The following GLYATL2 variants were observed in gnomAD, a reference collection of about 807,000 sequenced individuals.
GLYATL2 encodes the protein glycine-N-acyltransferase like 2, also known as glycine N-acyltransferase-like protein 2.
A neutral mutation model predicts 21.4 loss-of-function variants in GLYATL2; 25 were observed. The observed-to-expected ratio is 1.17, with a 90% CI of 0.85 to 1.63. GLYATL2 has a LOEUF of 1.63. Ranked by LOEUF, GLYATL2 falls within the 40% of genes most tolerant of loss-of-function variation. GLYATL2 has a pLI of 0.00. For synonymous variants in GLYATL2, 114 were observed against 118.2 expected, an observed-to-expected ratio of 0.96 and a Z score of 0.23; for missense variants, 361 against 343.3, an observed-to-expected ratio of 1.05 and a Z score of -0.41.
chr11:58,896,562 G>T (rs1854638500), intron 1 of GLYATL2, among the ~76,000 whole-genome samples: 1 of 152,130 alleles, frequency 6.6e-6, no homozygotes, highest in Admixed American at 6.5e-5. Flanking sequence ...GTGCCAAATG[G>T]CATCTTGTCA....
chr11:58,907,964 T>C (rs899626980), upstream of GLYATL2: 1 of 153,286 alleles, frequency 6.5e-6, no homozygotes, highest in African/African-American at 2.4e-5. Flanking sequence ...CTGTCCTGTA[T>C]GAGCCTCAGA....
At chr11:58,857,750 T>C (rs1281216591) in intron 1 of GLYATL2, among the ~76,000 whole-genome samples, 1 of 152,044 alleles carries the variant, frequency 6.6e-6, no homozygotes, top group Non-Finnish European at 1.5e-5. Context: ...TCTGTCTTTG[T>C]ATTTGCATCT....
intron 3 of GLYATL2, 150 bp downstream of exon 3, chr11:58,838,111 T>C: frequency 1.7e-6 from 1 of 573,428 alleles, no homozygotes; most frequent in Non-Finnish European, 3.2e-6. Flanking sequence ...CTCACTGCCC[T>C]ACCCTGTCTC....
In GLYATL2 at chr11:58,850,339, A is replaced by T. The variant is rs191058190; in HGVS notation, n.61-11971T>A. The stretch of plus-strand genomic sequence containing the variant: ...AATGCTTTTTTGTGGGCGGTAAGCC[A>T]CCTGAGGCAAGAGACCGAGGGCACG... On this transcript the variant is annotated intron_variant and non_coding_transcript_variant, in intron 1 of 4. Coordinates refer to the GLYATL2 transcript ENST00000533636. Among the ~76,000 whole-genome samples the T allele has an allele frequency of 5.3e-5, 8 of 152,172 alleles. No individual in the cohort carries two copies. In the East Asian group the frequency reaches 1.2e-3, roughly 22 times the overall value.
At chr11:58,898,781 C>T (rs549428000) in intron 1 of GLYATL2, among the ~76,000 whole-genome samples, 5 of 151,834 alleles carry the variant, frequency 3.3e-5, no homozygotes, top group African/African-American at 7.3e-5. Flanking sequence ...TGCAGTGAGC[C>T]GAGATCGCGC....
At chr11:58,890,922 C>T (rs1407636781) in intron 1 of GLYATL2, among the ~76,000 whole-genome samples, 3 of 151,754 alleles carry the variant, frequency 2.0e-5, no homozygotes, top group Non-Finnish European at 4.4e-5. Context: ...TGCACTATGT[C>T]TTGTTCTCCA....
At chr11:58,899,828 TAC>T (rs758763344) in intron 1 of GLYATL2, among the ~76,000 whole-genome samples, 1 of 152,086 alleles carries the variant, frequency 6.6e-6, no homozygotes, top group Non-Finnish European at 1.5e-5. Context: ...TATATATATA[TAC>T]ACACACATAC....
At chr11:58,864,497 C>T (rs1383587866) in intron 1 of GLYATL2, among the ~76,000 whole-genome samples, 2 of 149,134 alleles carry the variant, frequency 1.3e-5, no homozygotes, top group African/African-American at 4.8e-5. Context: ...TACTGTATTT[C>T]ACTGAAGCAG....
intron 1 of GLYATL2, among the ~76,000 whole-genome samples, chr11:58,874,473 A>G (rs1854188720): frequency 6.6e-6 from 1 of 152,148 alleles, no homozygotes; most frequent in Admixed American, 6.5e-5. Flanking sequence ...TGTCCCAGAG[A>G]TTCTGGAATG....
intron 2 of GLYATL2, among the ~76,000 whole-genome samples, chr11:58,838,651 T>C (rs1853487092): frequency 6.6e-6 from 1 of 152,150 alleles, no homozygotes; most frequent in Admixed American, 6.6e-5. Context: ...ATTTTCTCAG[T>C]TTTTTTCTTT....
intron 5 of GLYATL2, among the ~76,000 whole-genome samples, chr11:58,836,620 T>C (rs1853435424): frequency 2.6e-5 from 4 of 152,210 alleles, no homozygotes; most frequent in Admixed American, 2.6e-4. Flanking sequence ...ACTAAAAGCA[T>C]ACATATCAGT....
chr11:58,902,092 C>T (rs956577149), intron 1 of GLYATL2, among the ~76,000 whole-genome samples: 2 of 152,126 alleles, frequency 1.3e-5, no homozygotes, highest in Admixed American at 6.5e-5. Flanking sequence ...GAAGTGTTAG[C>T]TGCCAGTACT....
At chr11:58,897,400 C>T (rs1327290266) in intron 1 of GLYATL2, among the ~76,000 whole-genome samples, 1 of 152,128 alleles carries the variant, frequency 6.6e-6, no homozygotes, top group Admixed American at 6.5e-5. Context: ...TGTCCAAGGT[C>T]ACCCCTGTGG....
intron 1 of GLYATL2, among the ~76,000 whole-genome samples, chr11:58,879,849 TC>T (rs1167281566): frequency 8.5e-6 from 1 of 117,024 alleles, no homozygotes; most frequent in Non-Finnish European, 1.6e-5. Context: ...TTTCTTTTTT[TC>T]CTTGTTTTTT....
At chr11:58,838,586 G>C (rs1853486023) in intron 2 of GLYATL2, among the ~76,000 whole-genome samples, 2 of 152,228 alleles carry the variant, frequency 1.3e-5, no homozygotes, top group South Asian at 2.1e-4. Context: ...GTTAATACCT[G>C]AGTCATTAGG....
At chr11:58,866,489 C>T (rs1053932282) in intron 1 of GLYATL2, among the ~76,000 whole-genome samples, 2 of 148,824 alleles carry the variant, frequency 1.3e-5, no homozygotes, top group Non-Finnish European at 3.0e-5. Context: ...ATCACCAAAG[C>T]TCCTGAATTA....
chr11:58,895,173 C>T (rs773138124), intron 1 of GLYATL2, among the ~76,000 whole-genome samples: 1 of 151,904 alleles, frequency 6.6e-6, no homozygotes, highest in Non-Finnish European at 1.5e-5. Flanking sequence ...GGCCCTGTTA[C>T]GATAGTGATT....
chr11:58,906,455 T>C (rs1854888717), upstream of GLYATL2, among the ~76,000 whole-genome samples: 1 of 152,042 alleles, frequency 6.6e-6, no homozygotes, highest in South Asian at 2.1e-4. Context: ...ACAGGAGAGC[T>C]CCTGTTCAAA....
rs1340666562 is a variant in GLYATL2, at chr11:58,842,696, A to G, written c.-41+1738T>C. Among the ~76,000 whole-genome samples the G allele has an allele frequency of 2.0e-5, 3 of 152,208 alleles. No homozygotes were observed. In the East Asian group the frequency reaches 5.8e-4, roughly 29 times the overall value. On this transcript the variant is annotated intron_variant, in intron 1 of 5. Transcript: ENST00000287275. Reference sequence around the variant, plus strand: ...AATAAAACAAAAATTCATGAAGTCTATGATAATCATACAAATGAATGACAA... The same window carrying G: ...AATAAAACAAAAATTCATGAAGTCTGTGATAATCATACAAATGAATGACAA...
Sources: gnomAD v4.1 joint callset for allele counts (sites outside exome capture counted in the v4.1 genomes callset) on GRCh38, gnomAD v4.1.1 for gene constraint, MANE v1.5 for transcripts, NCBI Gene and HGNC (gene_info 2026-07-23, HGNC 2026-07-21) for gene names.